The following TAF1A variants were observed in gnomAD, a reference collection of about 807,000 sequenced individuals.
TAF1A encodes TATA-box binding protein associated factor, RNA polymerase I subunit A.
A neutral mutation model predicts 61.6 loss-of-function variants in TAF1A; 42 were observed. That is an observed-to-expected ratio of 0.68 (90% CI 0.53 to 0.88). The LOEUF (loss-of-function observed/expected upper bound fraction) is 0.88, where lower values mean the gene tolerates loss of function less well. Ranked by LOEUF, TAF1A falls within the 40% of genes least tolerant of loss-of-function variation. The pLI is 0.00. For synonymous variants in TAF1A, 179 were observed against 177.7 expected, an observed-to-expected ratio of 1.01 and a Z score of -0.06; for missense variants, 424 against 518.7, an observed-to-expected ratio of 0.82 and a Z score of 1.77.
intron 7 of TAF1A, among the ~76,000 whole-genome samples, chr1:222,566,438 C>T (rs745868009): frequency 2.6e-5 from 4 of 152,140 alleles, no homozygotes; most frequent in Non-Finnish European, 4.4e-5. Flanking sequence ...TATATTATTA[C>T]ATTATAATAT....
At chr1:222,575,058 A>G (rs929795303) in intron 5 of TAF1A, among the ~76,000 whole-genome samples, 1 of 152,154 alleles carries the variant, frequency 6.6e-6, no homozygotes, top group Non-Finnish European at 1.5e-5. Flanking sequence ...AGGTTTACAA[A>G]GAAAGTTACT....
chr1:222,563,554 C>T (rs1001566136), intron 8 of TAF1A, among the ~76,000 whole-genome samples: 15 of 152,128 alleles, frequency 9.9e-5, no homozygotes, highest in African/African-American at 3.4e-4. Flanking sequence ...GGTTACACTC[C>T]TCTACTAAGG....
At chr1:222,561,241 T>A in intron 10 of TAF1A, 123 bp downstream of exon 10, 1 of 940,586 alleles carries the variant, frequency 1.1e-6, no homozygotes, top group Non-Finnish European at 1.6e-6. Flanking sequence ...CATTGAGCAG[T>A]TATGTCTTAA....
intron 5 of TAF1A, among the ~76,000 whole-genome samples, chr1:222,573,085 A>G (rs1209479066): frequency 2.0e-5 from 3 of 152,150 alleles, no homozygotes; most frequent in Non-Finnish European, 4.4e-5. Flanking sequence ...CCTGGCCAAC[A>G]TGGTGAAACC....
rs1661188689 is a variant in TAF1A, at chr1:222,589,903, G to A, written c.-179C>T. ...CGTAACTCCTCCTGCTGCAGCAGGC[G>A]TATCGTTGGCCTCGCCTCGACCCCG... On this transcript the variant is annotated 5_prime_UTR_variant, in exon 1 of 11. In the 5' UTR this introduces an upstream ATG that the reference lacks. Coordinates refer to ENST00000352967, the MANE Select transcript of TAF1A (RefSeq NM_005681.4). 1 of 396,854 alleles carries A rather than the reference G, an allele frequency of 2.5e-6. No homozygotes were observed. Among genetic ancestry groups the A allele is most frequent in the Non-Finnish European group, 4.4e-6 (1 of 225,530 alleles). 24.6% of individuals were successfully genotyped at this position (396,854 alleles called of 1,614,324 possible). A position where few individuals can be genotyped will look rare whatever the true frequency, so the allele number is the denominator to read the frequency against.
chr1:222,580,732 C>T (rs1021731276), intron 3 of TAF1A, among the ~76,000 whole-genome samples: 5 of 150,846 alleles, frequency 3.3e-5, no homozygotes, highest in Admixed American at 3.3e-4. Flanking sequence ...GGATCACCTA[C>T]CACCAGGGAT....
chr1:222,558,607 C>G lies in TAF1A; in HGVS notation c.*53G>C. On this transcript the variant is annotated 3_prime_UTR_variant, in exon 11 of 11. Transcript: ENST00000352967. ...CTACATAAATACATTCAATAACTAT[C>G]TACCAAGCTACTTACTGTGTAGCTA... 1.1e-6 allele frequency: 1 copy of G among 914,922 alleles called. No homozygotes were observed. The highest frequency in any genetic ancestry group is 1.6e-6 in the Non-Finnish European group (1 of 630,856). The allele number at this position is 914,922 out of a possible 1,614,324, so 56.7% of individuals were successfully genotyped here. A position where few individuals can be genotyped will look rare whatever the true frequency, so the allele number is the denominator to read the frequency against.
chr1:222,561,716 TC>T (rs1659924611), intron 9 of TAF1A, among the ~76,000 whole-genome samples, 198 bp from the exon 10 acceptor site: 2 of 152,154 alleles, frequency 1.3e-5, no homozygotes, highest in Non-Finnish European at 2.9e-5. Flanking sequence ...CATCTCCATA[TC>T]CCATTTTCCA....
chr1:222,556,336 T>G (rs1296981818), downstream of TAF1A, among the ~76,000 whole-genome samples: 6 of 152,130 alleles, frequency 3.9e-5, no homozygotes, highest in African/African-American at 1.4e-4. Context: ...TTTTGCTGCT[T>G]TGTCTCACTC....
rs1416693780 is a variant in TAF1A at position 222,563,367 on chromosome 1, C to T, written c.962-71G>A. 1.5e-5 allele frequency: 23 copies of T among 1,491,832 alleles called. 1 individual carries two copies. In the East Asian group the frequency reaches 3.5e-4, roughly 23 times the overall value. 92.4% of individuals were successfully genotyped at this position (1,491,832 alleles called of 1,614,324 possible). On this transcript the variant is annotated intron_variant, in intron 8 of 10. Coordinates refer to ENST00000352967, the MANE Select transcript of TAF1A (RefSeq NM_005681.4). The stretch of plus-strand genomic sequence containing the variant: ...TACAAAGCTAAAATTTACATGTATA[C>T]ATTTTATCAACTGTATATATACTTT...
chr1:222,586,845 T>A (rs1661036620), intron 2 of TAF1A, among the ~76,000 whole-genome samples: 1 of 152,246 alleles, frequency 6.6e-6, no homozygotes, highest in Non-Finnish European at 1.5e-5. Flanking sequence ...TTTGTTTTCC[T>A]ATTATGGTTA....
Position 222,562,759 on chromosome 1 carries a change from C to G in TAF1A, c.1085+414G>C, listed in dbSNP as rs77124363. 5.2e-3 allele frequency among the ~76,000 whole-genome samples: 798 copies of G among 152,220 alleles called. 5 individuals carry two copies. The highest frequency in any genetic ancestry group is 6.2e-3 in the Non-Finnish European group (424 of 67,982). On this transcript the variant is annotated intron_variant, in intron 9 of 10. Coordinates refer to ENST00000352967, the MANE Select transcript of TAF1A (RefSeq NM_005681.4). ...TGTTAAATGACTAGTGTATGATGAT[C>G]TTGTCAGGTCCTAAAAATACTCACT...
At chr1:222,556,094 T>TCTTACAC (rs1251433646), downstream of TAF1A, among the ~76,000 whole-genome samples, 3 of 152,070 alleles carry the variant, frequency 2.0e-5, no homozygotes, top group African/African-American at 7.2e-5. Context: ...TAAGAGTACA[T>TCTTACAC]CTGGTTATGG....
rs757822759 is a variant in TAF1A, at chr1:222,577,438, C to T, written c.604+7G>A. The T allele has an allele frequency of 6.2e-7, 1 of 1,612,912 alleles. No individual in the cohort carries two copies. Among genetic ancestry groups the T allele is most frequent in the South Asian group, 1.1e-5 (1 of 90,970 alleles). On this transcript the variant is annotated splice_region_variant and intron_variant, in intron 5 of 10. Transcript: ENST00000352967. The stretch of plus-strand genomic sequence containing the variant: ...TCATAAGAAAAAGTTTACCTGTATT[C>T]ACTTACCAAGCTTTGACAATTCCAT...
chr1:222,588,672 A>G, intron 1 of TAF1A, 107 bp from the exon 2 acceptor site: 3 of 1,213,468 alleles, frequency 2.5e-6, no homozygotes, highest in Non-Finnish European at 3.4e-6. Flanking sequence ...TAATTTGATT[A>G]GCAAAATGCA....
Position 222,564,140 on chromosome 1 carries a change from A to G in TAF1A, c.895-15T>C. 6.6e-7 allele frequency: 1 copy of G among 1,512,878 alleles called. No homozygotes were observed. The highest frequency in any genetic ancestry group is 1.2e-5 in the South Asian group (1 of 84,602). 93.7% of individuals were successfully genotyped at this position (1,512,878 alleles called of 1,614,324 possible). ...TGATACAAAATCTGAAAGAAAGAAC[A>G]GTCTTGTAATCTTTACATACTTGTA... On this transcript the variant is annotated splice_polypyrimidine_tract_variant and intron_variant, in intron 7 of 10. Coordinates refer to ENST00000352967, the MANE Select transcript of TAF1A (RefSeq NM_005681.4).
chr1:222,570,537 C>A lies in TAF1A; in HGVS notation c.733G>T (p.Glu245Ter). ...VWDPFVKSYV[E>*]MLEFYGDRDG... ...AATTTAATGAAAATTCTACTTACTT[C>A]TACATAACTCTTCACAAAAGGGTCC... The change falls in exon 6 of 11, where the codon GAA (glutamate) becomes TAA (stop). Residue 245 changes from glutamate (E) to a stop codon, truncating the protein, a stop_gained and splice_region_variant. Transcript: ENST00000352967. LOFTEE classifies it high-confidence loss of function. The A allele has an allele frequency of 6.2e-7, 1 of 1,607,884 alleles. No individual in the cohort carries two copies. Among genetic ancestry groups the A allele is most frequent in the Non-Finnish European group, 8.5e-7 (1 of 1,175,982 alleles).
intron 3 of TAF1A, among the ~76,000 whole-genome samples, chr1:222,580,407 G>T (rs1157913673): frequency 6.6e-6 from 1 of 152,120 alleles, no homozygotes; most frequent in African/African-American, 2.4e-5. Context: ...TTTATCCTCA[G>T]ATCACCAAAA....
At chr1:222,562,072 C>T (rs920808165) in intron 9 of TAF1A, among the ~76,000 whole-genome samples, 1 of 152,066 alleles carries the variant, frequency 6.6e-6, no homozygotes, top group Non-Finnish European at 1.5e-5. Context: ...AATGGAGATA[C>T]CATTATTATA....
Sources: gnomAD v4.1 joint callset for allele counts (sites outside exome capture counted in the v4.1 genomes callset) on GRCh38, gnomAD v4.1.1 for gene constraint, MANE v1.5 for transcripts, NCBI Gene and HGNC (gene_info 2026-07-23, HGNC 2026-07-21) for gene names.